Variants in CLSTN1 observed in about 807,000 individuals in gnomAD.
CLSTN1 encodes calsyntenin 1.
In CLSTN1, 28 loss-of-function variants were observed where a neutral mutation model predicts 108.3. That is an observed-to-expected ratio of 0.26 (90% CI 0.19 to 0.35). The LOEUF (loss-of-function observed/expected upper bound fraction) is 0.35. Ranked by LOEUF, CLSTN1 falls within the 10% of genes least tolerant of loss-of-function variation. The probability of loss-of-function intolerance (pLI) is 1.00; values close to 1 mark genes in which losing one functional copy is unlikely to be tolerated. For missense variants in CLSTN1, 1,157 were observed against 1,302.6 expected, an observed-to-expected ratio of 0.89 and a Z score of 1.72; for synonymous variants, 524 against 534.9, an observed-to-expected ratio of 0.98 and a Z score of 0.28.
In CLSTN1 at chr1:9,731,312, C is replaced by A. The variant is rs746371855; in HGVS notation, c.2642G>T (p.Arg881Leu). 1.2e-6 allele frequency: 2 copies of A among 1,614,234 alleles called. No homozygotes were observed. Among genetic ancestry groups the A allele is most frequent in the Non-Finnish European group, 1.7e-6 (2 of 1,180,042 alleles). Residue 881 changes from arginine (R) to leucine (L), a missense_variant, in exon 18 of 19, where the codon CGG becomes CTG. Coordinates refer to ENST00000377298, the MANE Select transcript of CLSTN1 (RefSeq NM_001009566.3). ...GGTCCGCCGATGTGCGGCCCGGATC[C>A]GAAATACCCCCAGGATAATCATGAA... ...LVFMIILGVF[R>L]IRAAHRRTMR...
Position 9,740,991 on chromosome 1 carries a change from C to T in CLSTN1, c.1519+103G>A, listed in dbSNP as rs925802049. 1.3e-5 allele frequency: 17 copies of T among 1,276,854 alleles called. No individual in the cohort carries two copies. The African/African-American group carries it at 1.8e-4, about 13-fold the overall frequency. 79.1% of individuals were successfully genotyped at this position (1,276,854 alleles called of 1,614,324 possible). On this transcript the variant is annotated intron_variant, in intron 10 of 18. Coordinates refer to ENST00000377298, the MANE Select transcript of CLSTN1 (RefSeq NM_001009566.3). ...AAATGGAAGGAAAAGATCCAGGACA[C>T]GAGGGTAAGGCTGTAGGATACCGAT... is the stretch of plus-strand genomic sequence containing the variant.
Position 9,765,167 on chromosome 1 carries a change from C to T in CLSTN1, c.214+8105G>A, listed in dbSNP as rs576341629. 1.1e-4 allele frequency among the ~76,000 whole-genome samples: 16 copies of T among 151,960 alleles called. 1 individual carries two copies. The South Asian group carries it at 3.3e-3, about 32-fold the overall frequency. ...GCACTTTGGGAGGCAGGCAGATCAA[C>T]TGAGGTCAGGAGTTCAAGACCAGCC... On this transcript the variant is annotated intron_variant, in intron 2 of 18. Transcript: ENST00000377298.
At chr1:9,821,184 G>C (rs1265465371) in intron 1 of CLSTN1, among the ~76,000 whole-genome samples, 1 of 152,324 alleles carries the variant, frequency 6.6e-6, no homozygotes, top group East Asian at 1.9e-4. Context: ...CCAGGCTGGA[G>C]TGCAGTGGCG....
At chr1:9,773,964 AC>A (rs908268438) in intron 1 of CLSTN1, among the ~76,000 whole-genome samples, 1 of 149,868 alleles carries the variant, frequency 6.7e-6, no homozygotes, top group African/African-American at 2.5e-5. Flanking sequence ...CTGGTCTTGA[AC>A]CCCCGGGCTC....
intron 2 of CLSTN1, among the ~76,000 whole-genome samples, chr1:9,767,333 A>C (rs1386882984): frequency 6.6e-6 from 1 of 152,180 alleles, no homozygotes; most frequent in African/African-American, 2.4e-5. Context: ...GCCTGAGCTC[A>C]GGAGTTCGTA....
At chr1:9,805,808 A>G (rs1314424019) in intron 1 of CLSTN1, among the ~76,000 whole-genome samples, 3 of 148,700 alleles carry the variant, frequency 2.0e-5, no homozygotes, top group African/African-American at 7.5e-5. Flanking sequence ...CGGAGGTTGC[A>G]GTGAGCCAAG....
rs149321172 is a variant in CLSTN1, at chr1:9,743,986, G to A, written c.1254C>T (p.Tyr418=). Residue 418 remains tyrosine (Y), a synonymous_variant, in exon 9 of 19, where the codon TAC becomes TAT. Transcript: ENST00000377298. The part of the protein sequence containing the change: ...SDKTDMNRHH[Y]SLYVHGCRLI... ...GCCGGCACCCGTGGACATAGAGGGAGTAGTGGTGCCGATTCATATCTGCAA... is the reference window on the plus strand; with the variant it reads ...GCCGGCACCCGTGGACATAGAGGGAATAGTGGTGCCGATTCATATCTGCAA... 1 of 1,614,164 alleles carries A rather than the reference G, an allele frequency of 6.2e-7. No individual in the cohort carries two copies. Among genetic ancestry groups the A allele is most frequent in the Non-Finnish European group, 8.5e-7 (1 of 1,179,990 alleles).
chr1:9,792,210 C>CAA (rs1314927872), intron 1 of CLSTN1, among the ~76,000 whole-genome samples: 1 of 150,726 alleles, frequency 6.6e-6, no homozygotes, highest in East Asian at 2.0e-4. Context: ...ACAACAACAA[C>CAA]AACAAAAAAA....
At chr1:9,784,657 G>A (rs1426913897) in intron 1 of CLSTN1, among the ~76,000 whole-genome samples, 2 of 152,196 alleles carry the variant, frequency 1.3e-5, no homozygotes, top group African/African-American at 2.4e-5. Flanking sequence ...TGATGTTACA[G>A]GTTTCATTTG....
intron 1 of CLSTN1, among the ~76,000 whole-genome samples, chr1:9,803,581 T>C (rs891465045): frequency 6.6e-6 from 1 of 152,158 alleles, no homozygotes; most frequent in Non-Finnish European, 1.5e-5. Flanking sequence ...TGTGGGCAGA[T>C]AACTTGAAGT....
intron 1 of CLSTN1, among the ~76,000 whole-genome samples, chr1:9,805,303 G>A (rs1396350615): frequency 6.6e-6 from 1 of 152,092 alleles, no homozygotes; most frequent in Non-Finnish European, 1.5e-5. Context: ...GTTGTATCTT[G>A]ACATCAATGA....
Position 9,730,421 on chromosome 1 carries a change from CTT to C in CLSTN1, c.*85_*86del, listed in dbSNP as rs1294750674. 9 of 1,314,134 alleles carry C rather than the reference CTT, an allele frequency of 6.8e-6. No individual in the cohort carries two copies. In the African/African-American group the frequency reaches 8.7e-5, roughly 13 times the overall value. 81.4% of individuals were successfully genotyped at this position (1,314,134 alleles called of 1,614,324 possible). A position where few individuals can be genotyped will look rare whatever the true frequency, so the allele number is the denominator to read the frequency against. ...TCTGCACACCTACTGGCCGAAATGA[CTT>C]TGTACATCGTGGACCCTTGGGACTG... is the stretch of plus-strand genomic sequence containing the variant. On this transcript the variant is annotated 3_prime_UTR_variant, in exon 19 of 19. Coordinates refer to ENST00000377298, the MANE Select transcript of CLSTN1 (RefSeq NM_001009566.3). This position sits in a 1 kb window ranked among gnomAD's most constrained non-coding sequence, Gnocchi z 5.6.
chr1:9,775,282 T>C (rs1003492707), intron 1 of CLSTN1, among the ~76,000 whole-genome samples: 1 of 151,750 alleles, frequency 6.6e-6, no homozygotes, highest in African/African-American at 2.4e-5. Flanking sequence ...CTGGTTCAAA[T>C]GCCTCTGACA....
At chr1:9,741,384 A>G (rs191989036) in intron 9 of CLSTN1, 128 bp from the exon 10 acceptor site, 498 of 875,720 alleles carry the variant, frequency 5.7e-4, no homozygotes, top group Non-Finnish European at 8.2e-4. Context: ...ATCTAACCAC[A>G]AAATATCTGC....
intron 1 of CLSTN1, among the ~76,000 whole-genome samples, chr1:9,790,405 C>CT (rs1236525947): frequency 6.6e-6 from 1 of 151,218 alleles, no homozygotes; most frequent in Non-Finnish European, 1.5e-5. Context: ...TGTGACTTTT[C>CT]TTTTTTAGCG....
intron 13 of CLSTN1, 104 bp from the exon 14 acceptor site, chr1:9,735,278 C>A: frequency 7.2e-7 from 1 of 1,381,300 alleles, no homozygotes; most frequent in Non-Finnish European, 1.0e-6. Flanking sequence ...CCACTAACAC[C>A]TGCCGGGGCC....
chr1:9,821,509 T>C (rs985032157), intron 1 of CLSTN1, among the ~76,000 whole-genome samples: 2 of 152,228 alleles, frequency 1.3e-5, no homozygotes, highest in Non-Finnish European at 2.9e-5. Flanking sequence ...AGAGTCAAGA[T>C]GCAATTTATA....
chr1:9,731,609 C>T (rs959122787), intron 17 of CLSTN1, 152 bp downstream of exon 17: 57 of 922,966 alleles, frequency 6.2e-5, no homozygotes, highest in East Asian at 1.6e-4. Flanking sequence ...CTGCCCTCTT[C>T]GAGGGCTTTA....
At chr1:9,786,648 C>CAAAAAAAAAA (rs36003203) in intron 1 of CLSTN1, among the ~76,000 whole-genome samples, 2 of 37,094 alleles carry the variant, frequency 5.4e-5, no homozygotes, top group Non-Finnish European at 6.1e-5. Flanking sequence ...GACTCCGTCT[C>CAAAAAAAAAA]AAAAAAAAAA....
Sources: gnomAD v4.1 joint callset for allele counts (sites outside exome capture counted in the v4.1 genomes callset) on GRCh38, gnomAD v4.1.1 for gene constraint, Gnocchi (gnomAD v3.1) non-coding constraint, MANE v1.5 for transcripts, NCBI Gene and HGNC (gene_info 2026-07-23, HGNC 2026-07-21) for gene names.